Variants in MBNL2 observed in about 807,000 individuals in gnomAD.
MBNL2 encodes the protein muscleblind-like protein 2.
In MBNL2, 17 loss-of-function variants were observed where a neutral mutation model predicts 41.9. The observed-to-expected ratio is 0.41, with a 90% CI of 0.28 to 0.61. MBNL2 has a LOEUF of 0.61. Ranked by LOEUF, MBNL2 falls within the 20% of genes least tolerant of loss-of-function variation. The pLI is 0.35. For synonymous variants in MBNL2, 195 were observed against 182.9 expected (o/e 1.07, Z -0.53); for missense variants, 336 against 505.6 (o/e 0.66, Z 3.22).
chr13:97,330,116 C>T (rs893231120), intron 2 of MBNL2, among the ~76,000 whole-genome samples: 5 of 152,224 alleles, frequency 3.3e-5, no homozygotes, highest in African/African-American at 9.6e-5. Context: ...TAGCACTAAG[C>T]ACAATGCCTG....
At chr13:97,204,355 GT>G in the MBNL2 span, among the ~76,000 whole-genome samples, 1 of 152,180 alleles carries the variant, frequency 6.6e-6, no homozygotes, top group South Asian at 2.1e-4. Flanking sequence ...GCCTTGGTCA[GT>G]TATTAAATAT....
intron 2 of MBNL2, among the ~76,000 whole-genome samples, chr13:97,306,376 T>C (rs1031406342): frequency 2.0e-5 from 3 of 152,248 alleles, no homozygotes; most frequent in Non-Finnish European, 4.4e-5. Flanking sequence ...TCAGCAGTAT[T>C]TGACACGGTT....
rs2061564484 is a variant in MBNL2 at position 97,343,152 on chromosome 13, G to A, written c.476G>A (p.Ser159Asn). 6.2e-7 allele frequency: 1 copy of A among 1,613,870 alleles called. No individual in the cohort carries two copies. The highest frequency in any genetic ancestry group is 1.7e-5 in the Admixed American group (1 of 59,978). ...ACCACGCCTGTTATTGTTCCCGGAA[G>A]TCCACCGGTCACTGTCCCGGGCTCA... is the stretch of plus-strand genomic sequence containing the variant. ...LPTTPVIVPG[S>N]PPVTVPGSTA... The change falls in exon 4 of 9, where the codon AGT becomes AAT. Residue 159 changes from serine (S) to asparagine (N), a missense_variant. By Grantham distance (46) the Ser-to-Asn change is conservative. Transcript: ENST00000679496.
the MBNL2 span, among the ~76,000 whole-genome samples, chr13:97,189,294 T>C: frequency 3.3e-5 from 5 of 152,174 alleles, no homozygotes; most frequent in African/African-American, 1.2e-4. Flanking sequence ...ATGGAGACTG[T>C]GCCTTCCATC....
At chr13:97,252,049 A>C (rs1266758281) in intron 1 of MBNL2, among the ~76,000 whole-genome samples, 7 of 149,946 alleles carry the variant, frequency 4.7e-5, no homozygotes, top group African/African-American at 1.7e-4. Flanking sequence ...ACGGGGTTTC[A>C]CCTTGTTAGC....
chr13:97,157,179 G>T, the MBNL2 span, among the ~76,000 whole-genome samples: 1 of 146,558 alleles, frequency 6.8e-6, no homozygotes. Context: ...GTTCACTCAT[G>T]ATTTGGCTCT....
chr13:97,181,529 T>G, the MBNL2 span, among the ~76,000 whole-genome samples: 2 of 152,184 alleles, frequency 1.3e-5, no homozygotes, highest in Non-Finnish European at 2.9e-5. Flanking sequence ...CCAAGTTGTT[T>G]TTACCAAAAA....
chr13:97,391,625 T>C lies in MBNL2; in HGVS notation c.*176T>C. ...ATAAAGTTTACTTTTAAAGGGTTTCTAAACATAGTTTCTGTCCTAGGAATA... is the reference window on the plus strand; with the variant it reads ...ATAAAGTTTACTTTTAAAGGGTTTCCAAACATAGTTTCTGTCCTAGGAATA... On this transcript the variant is annotated 3_prime_UTR_variant, in exon 9 of 9. Transcript: ENST00000679496. 1.9e-6 allele frequency: 1 copy of C among 533,292 alleles called. No homozygotes were observed. The highest frequency in any genetic ancestry group is 3.3e-6 in the Non-Finnish European group (1 of 306,566). 33.0% of individuals were successfully genotyped at this position (533,292 alleles called of 1,614,324 possible). A position where few individuals can be genotyped will look rare whatever the true frequency, so the allele number is the denominator to read the frequency against.
chr13:97,267,219 C>T (rs865959145), intron 1 of MBNL2, among the ~76,000 whole-genome samples: 35 of 152,310 alleles, frequency 2.3e-4, no homozygotes, highest in Admixed American at 9.1e-4. Context: ...CCAGGCTTTC[C>T]AGACTCACCC....
At chr13:97,357,861 C>T in intron 7 of MBNL2, 1 of 576,726 alleles carries the variant, frequency 1.7e-6, no homozygotes, top group Admixed American at 2.8e-5. Context: ...ACAGATTTAA[C>T]CCATGAGAAA....
chr13:97,177,628 C>A, the MBNL2 span, among the ~76,000 whole-genome samples: 1 of 152,104 alleles, frequency 6.6e-6, no homozygotes, highest in Non-Finnish European at 1.5e-5. Flanking sequence ...AGAAGAAAAT[C>A]ATCAAACAAA....
At chr13:97,358,668 G>A (rs1191795118) in intron 7 of MBNL2, among the ~76,000 whole-genome samples, 1 of 152,050 alleles carries the variant, frequency 6.6e-6, no homozygotes, top group South Asian at 2.1e-4. Flanking sequence ...AGAAGCAAGG[G>A]GTAACTTAAG....
At chr13:97,215,204 A>T in the MBNL2 span, among the ~76,000 whole-genome samples, 1 of 152,204 alleles carries the variant, frequency 6.6e-6, no homozygotes, top group East Asian at 1.9e-4. Flanking sequence ...GCATGATATG[A>T]CCATCAAACC....
At chr13:97,374,844 T>C (rs867932928) in intron 8 of MBNL2, among the ~76,000 whole-genome samples, 4 of 152,274 alleles carry the variant, frequency 2.6e-5, no homozygotes, top group South Asian at 2.1e-4. Context: ...ATATAGTTCA[T>C]CCTATATGGG....
chr13:97,384,535 A>C (rs2065770580), intron 8 of MBNL2, among the ~76,000 whole-genome samples: 1 of 152,144 alleles, frequency 6.6e-6, no homozygotes, highest in African/African-American at 2.4e-5. Flanking sequence ...GAAAAGGTGG[A>C]GAGAATATTA....
At chr13:97,186,853 G>C in the MBNL2 span, among the ~76,000 whole-genome samples, 1 of 152,158 alleles carries the variant, frequency 6.6e-6, no homozygotes, top group African/African-American at 2.4e-5. Flanking sequence ...AAAAAAGGGG[G>C]TGGAAAGGGT....
Position 97,393,381 on chromosome 13 carries a change from A to G in MBNL2, c.*1932A>G, listed in dbSNP as rs749021153. ...ATATTTTTGTAGATTAATTGTTGTA[A>G]CATTGTCTTTCTTTTTTTTCTTTTG... On this transcript the variant is annotated 3_prime_UTR_variant, in exon 9 of 9. Transcript: ENST00000679496. The G allele has an allele frequency of 2.0e-5, 3 of 152,318 alleles. No homozygotes were observed. Among genetic ancestry groups the G allele is most frequent in the Non-Finnish European group, 4.4e-5 (3 of 67,928 alleles). The allele number at this position is 152,318 out of a possible 1,614,324, so 9.4% of individuals were successfully genotyped here. A position where few individuals can be genotyped will look rare whatever the true frequency, so the allele number is the denominator to read the frequency against.
intron 2 of MBNL2, among the ~76,000 whole-genome samples, chr13:97,320,829 C>T (rs988292337): frequency 1.3e-5 from 2 of 151,980 alleles, no homozygotes; most frequent in African/African-American, 4.8e-5. Context: ...GCAGGAGAAT[C>T]GCTTGAACCC....
intron 1 of MBNL2, among the ~76,000 whole-genome samples, chr13:97,259,793 C>T (rs1042151969): frequency 2.6e-5 from 4 of 152,120 alleles, no homozygotes; most frequent in Admixed American, 6.5e-5. Context: ...GCAACAACAG[C>T]GGTTGAGAAA....
Sources: allele counts gnomAD v4.1 joint callset (sites outside exome capture counted in the v4.1 genomes callset), GRCh38; gene constraint gnomAD v4.1.1; transcripts MANE v1.5; gene names NCBI Gene and HGNC (gene_info 2026-07-23, HGNC 2026-07-21).